The following CSMD1 variants were observed in gnomAD, a reference collection of about 807,000 sequenced individuals.
CSMD1 encodes the protein CUB and sushi domain-containing protein 1.
In CSMD1, 213 loss-of-function variants were observed where a neutral mutation model predicts 417.5. The ratio of observed to expected loss-of-function variants is 0.51; its 90% CI spans 0.46 to 0.57. The LOEUF (loss-of-function observed/expected upper bound fraction) is 0.57. CSMD1 is among the 20% of genes least tolerant of loss of function. The pLI is 0.00. For missense variants in CSMD1, 6,923 were observed against 4,529.7 expected, an observed-to-expected ratio of 1.53 and a Z score of -15.17; for synonymous variants, 2,862 against 1,736.8, an observed-to-expected ratio of 1.65 and a Z score of -16.11.
chr8:4,510,085 T>C (rs1434097398), intron 2 of CSMD1, among the ~76,000 whole-genome samples: 1 of 152,058 alleles, frequency 6.6e-6, no homozygotes, highest in Non-Finnish European at 1.5e-5. Context: ...AACTTGATAG[T>C]GAATAAGTCT....
chr8:3,197,497 G>C (rs1334823236), intron 33 of CSMD1, among the ~76,000 whole-genome samples: 3 of 132,014 alleles, frequency 2.3e-5, no homozygotes, highest in Non-Finnish European at 3.1e-5. Context: ...ACGGAGTCTC[G>C]CTCTGTCACC....
intron 3 of CSMD1, among the ~76,000 whole-genome samples, chr8:4,136,439 T>C (rs572929510): frequency 6.6e-6 from 1 of 152,264 alleles, no homozygotes; most frequent in Non-Finnish European, 1.5e-5. Context: ...TCAGCAAGCA[T>C]CCCTTTTGAA....
rs190062396 is a variant in CSMD1, at chr8:3,271,287, C to T, written c.4153+12857G>A. ...CATTTTTTAAGGCTGCATAGTATTC[C>T]ATGGTGTATATGTGCCACATTTTCT... On this transcript the variant is annotated intron_variant, in intron 26 of 69. Coordinates refer to ENST00000635120, the MANE Select transcript of CSMD1 (RefSeq NM_033225.6). 9.1e-3 allele frequency among the ~76,000 whole-genome samples: 1,378 copies of T among 152,096 alleles called. 11 individuals carry two copies. Among genetic ancestry groups the T allele is most frequent in the Admixed American group, 0.014 (216 of 15,284 alleles).
chr8:3,893,947 A>G (rs994650973), intron 5 of CSMD1, among the ~76,000 whole-genome samples: 1 of 152,046 alleles, frequency 6.6e-6, no homozygotes, highest in Non-Finnish European at 1.5e-5. Context: ...GTGTGCACCC[A>G]GAGGACCACC....
At chr8:4,634,761 C>A (rs1802725691) in intron 2 of CSMD1, among the ~76,000 whole-genome samples, 1 of 152,160 alleles carries the variant, frequency 6.6e-6, no homozygotes, top group African/African-American at 2.4e-5. Context: ...TAACTACTTT[C>A]CCCATCAACT....
At chr8:4,658,661 G>A (rs560468101) in intron 1 of CSMD1, among the ~76,000 whole-genome samples, 72 of 152,160 alleles carry the variant, frequency 4.7e-4, no homozygotes, top group Non-Finnish European at 7.9e-4. Flanking sequence ...AAGCAATGCC[G>A]TTAGAAAAAT....
At chr8:4,962,582 T>A (rs1809579276) in intron 1 of CSMD1, among the ~76,000 whole-genome samples, 1 of 152,108 alleles carries the variant, frequency 6.6e-6, no homozygotes, top group Non-Finnish European at 1.5e-5. Flanking sequence ...TTTGGCATAA[T>A]CAGATGGGTA....
chr8:4,579,081 T>C (rs550902140), intron 2 of CSMD1, among the ~76,000 whole-genome samples: 1 of 152,004 alleles, frequency 6.6e-6, no homozygotes, highest in Non-Finnish European at 1.5e-5. Context: ...CTGTTCCATT[T>C]ATACAGTTTA....
chr8:4,041,110 G>A (rs186191194), intron 3 of CSMD1, among the ~76,000 whole-genome samples: 6,319 of 142,358 alleles, frequency 0.044, 405 homozygotes, highest in African/African-American at 0.15. Flanking sequence ...TCCGCCTCCC[G>A]GGTTCCCGCC....
intron 7 of CSMD1, among the ~76,000 whole-genome samples, chr8:3,641,820 T>C (rs1481084537): frequency 6.6e-6 from 1 of 152,194 alleles, no homozygotes; most frequent in Non-Finnish European, 1.5e-5. Context: ...CCTTTGTCGA[T>C]CTCTTCCCTC....
intron 1 of CSMD1, among the ~76,000 whole-genome samples, chr8:4,899,494 T>G (rs1046315866): frequency 5.3e-5 from 8 of 152,164 alleles, no homozygotes; most frequent in African/African-American, 1.7e-4. Context: ...AATCCCAATA[T>G]GTTAGATCTC....
intron 3 of CSMD1, among the ~76,000 whole-genome samples, chr8:4,391,253 C>A (rs907587002): frequency 2.0e-5 from 3 of 152,176 alleles, no homozygotes; most frequent in African/African-American, 4.8e-5. Context: ...CCATAACTCC[C>A]CCACTCACTG....
intron 5 of CSMD1, among the ~76,000 whole-genome samples, chr8:3,974,078 G>T (rs1162441626): frequency 6.6e-6 from 1 of 151,738 alleles, no homozygotes. Flanking sequence ...CTCTGAAATG[G>T]TAGGTCTTAT....
chr8:4,481,594 T>C (rs927706246), intron 2 of CSMD1, among the ~76,000 whole-genome samples: 1 of 152,192 alleles, frequency 6.6e-6, no homozygotes, highest in African/African-American at 2.4e-5. Context: ...TGTGATCTCA[T>C]CTAATCCTTA....
intron 1 of CSMD1, among the ~76,000 whole-genome samples, chr8:4,756,275 T>G (rs529969817): frequency 1.1e-4 from 16 of 152,184 alleles, no homozygotes; most frequent in Non-Finnish European, 2.1e-4. Context: ...AAAATCACAT[T>G]GCCATCATGC....
chr8:4,524,108 C>G (rs767409928), intron 2 of CSMD1, among the ~76,000 whole-genome samples: 11 of 152,178 alleles, frequency 7.2e-5, no homozygotes, highest in Non-Finnish European at 8.8e-5. Context: ...CAAGAAAAAA[C>G]TCCCCAGGCA....
chr8:4,698,850 G>A (rs1449084073), intron 1 of CSMD1, among the ~76,000 whole-genome samples: 1 of 151,424 alleles, frequency 6.6e-6, no homozygotes, highest in Admixed American at 6.6e-5. Flanking sequence ...AACCAATAGG[G>A]TTACTTCAAT....
At chr8:4,170,010 C>T (rs181828346) in intron 3 of CSMD1, among the ~76,000 whole-genome samples, 5 of 151,738 alleles carry the variant, frequency 3.3e-5, no homozygotes, top group African/African-American at 4.9e-5. Flanking sequence ...CCTAAGAGAT[C>T]GTAAAATCAA....
chr8:4,255,585 A>G (rs1027966658), intron 3 of CSMD1, among the ~76,000 whole-genome samples: 2 of 152,234 alleles, frequency 1.3e-5, no homozygotes, highest in African/African-American at 2.4e-5. Context: ...AGACACAGAA[A>G]TCTTTGCATA....
Sources: allele counts gnomAD v4.1 joint callset (sites outside exome capture counted in the v4.1 genomes callset), GRCh38; gene constraint gnomAD v4.1.1; transcripts MANE v1.5; gene names NCBI Gene and HGNC (gene_info 2026-07-23, HGNC 2026-07-21).